Variants in MAP2K7 observed in about 807,000 individuals in gnomAD.
MAP2K7 encodes the protein dual specificity mitogen-activated protein kinase kinase 7.
A neutral mutation model predicts 47.7 loss-of-function variants in MAP2K7; 12 were observed. That is an observed-to-expected ratio of 0.25 (90% CI 0.16 to 0.41). The LOEUF (loss-of-function observed/expected upper bound fraction) is 0.41. Ranked by LOEUF, MAP2K7 falls within the 10% of genes least tolerant of loss-of-function variation. MAP2K7 has a pLI of 1.00. For missense variants in MAP2K7, 415 were observed against 600.3 expected, an observed-to-expected ratio of 0.69 and a Z score of 3.23; for synonymous variants, 299 against 243.0, an observed-to-expected ratio of 1.23 and a Z score of -2.14.
rs3679 is a variant in MAP2K7, at chr19:7,913,545, T to C, written c.*1114T>C. ...CCGGGCTGAGGGTGGGGGTGCGAGG[T>C]GGTCACTCCCATCGTGCCCCTGGCC... On this transcript the variant is annotated 3_prime_UTR_variant, in exon 11 of 11. Coordinates refer to ENST00000397979, the MANE Select transcript of MAP2K7 (RefSeq NM_145185.4). 92,920 of 150,018 alleles carry C rather than the reference T, an allele frequency of 0.62. 28,878 individuals carry two copies. The highest frequency in any genetic ancestry group is 0.66 in the Admixed American group (9,983 of 15,154). 9.3% of individuals were successfully genotyped at this position (150,018 alleles called of 1,614,324 possible).
rs118076444 is a variant in MAP2K7, at chr19:7,908,991, C to T, written c.125-764C>T. On this transcript the variant is annotated intron_variant, in intron 1 of 10. Transcript: ENST00000397979. ...CCCGCTGTAGCATGCCCGAGCTGCC[C>T]GCATGCAGGCTGCTGGATGAGCCAA... Among the ~76,000 whole-genome samples, 421 of 152,250 alleles carry T rather than the reference C, an allele frequency of 2.8e-3. 1 individual carries two copies. The highest frequency in any genetic ancestry group is 0.014 in the Middle Eastern group (4 of 294).
rs554916665 is a variant in MAP2K7, at chr19:7,906,281, C to T, written c.124+2213C>T. 328 of 197,130 alleles carry T rather than the reference C, an allele frequency of 1.7e-3. 1 individual carries two copies. The highest frequency in any genetic ancestry group is 6.2e-3 in the African/African-American group (271 of 43,618). The allele number at this position is 197,130 out of a possible 1,614,324, so 12.2% of individuals were successfully genotyped here. A position where few individuals can be genotyped will look rare whatever the true frequency, so the allele number is the denominator to read the frequency against. On this transcript the variant is annotated intron_variant, in intron 1 of 10. Transcript: ENST00000397979. ...CCCCGGGTTCCATACCAGCCCTGGG[C>T]GCCAGGGACACAGCAGTGAATAGAA... is the stretch of plus-strand genomic sequence containing the variant.
intron 1 of MAP2K7, among the ~76,000 whole-genome samples, chr19:7,909,118 T>C (rs1240636899): frequency 6.6e-6 from 1 of 152,196 alleles, no homozygotes; most frequent in African/African-American, 2.4e-5. Context: ...CCTGAGGTCC[T>C]GTCCTGCCCC....
Position 7,910,488 on chromosome 19 carries a change from G to A in MAP2K7, c.483G>A (p.Lys161=). 1 of 1,612,404 alleles carries A rather than the reference G, an allele frequency of 6.2e-7. No homozygotes were observed. Among genetic ancestry groups the A allele is most frequent in the Non-Finnish European group, 8.5e-7 (1 of 1,179,430 alleles). ...MRRSGNKEEN[K]RILMDLDVVL... ...GCTCCGGGAACAAGGAGGAGAACAA[G>A]CGCATCCTCATGGACCTGGATGTGG... The change falls in exon 5 of 11, where the codon AAG becomes AAA. Residue 161 remains lysine (K), a synonymous_variant. Transcript: ENST00000397979.
At chr19:7,907,971 C>G (rs971408158) in intron 1 of MAP2K7, among the ~76,000 whole-genome samples, 24 of 152,050 alleles carry the variant, frequency 1.6e-4, no homozygotes, top group African/African-American at 5.6e-4. Flanking sequence ...GAGGGAGAAG[C>G]CTGGCCAACA....
At chr19:7,905,704 C>T (rs1180456428) in intron 1 of MAP2K7, 24 of 1,010,812 alleles carry the variant, frequency 2.4e-5, no homozygotes, top group Non-Finnish European at 3.6e-5. Flanking sequence ...CGGTGCCTCC[C>T]CCTCCTCCTC....
At chr19:7,911,688 G>T in intron 9 of MAP2K7, 110 bp downstream of exon 9, 1 of 1,152,556 alleles carries the variant, frequency 8.7e-7, no homozygotes, top group Admixed American at 2.7e-5. Context: ...GGGCGGATGC[G>T]ACTGTGGGCG....
Position 7,903,933 on chromosome 19 carries a change from G to T in MAP2K7, c.-12G>T. On this transcript the variant is annotated 5_prime_UTR_variant, in exon 1 of 11. Coordinates refer to ENST00000397979, the MANE Select transcript of MAP2K7 (RefSeq NM_145185.4). ...GGCCGGGCGGTGCGCGGCGGCGGTG[G>T]CGGCGGGGAAGATGGCGGCGTCCTC... 6.6e-7 allele frequency: 1 copy of T among 1,515,280 alleles called. No individual in the cohort carries two copies. Among genetic ancestry groups the T allele is most frequent in the Non-Finnish European group, 8.8e-7 (1 of 1,131,482 alleles). The allele number at this position is 1,515,280 out of a possible 1,614,324, so 93.9% of individuals were successfully genotyped here. A position where few individuals can be genotyped will look rare whatever the true frequency, so the allele number is the denominator to read the frequency against.
rs778044336 is a variant in MAP2K7 at position 7,910,527 on chromosome 19, C to T, written c.522C>T (p.His174=). The T allele has an allele frequency of 3.2e-5, 51 of 1,613,512 alleles. No homozygotes were observed. In the East Asian group the frequency reaches 4.5e-4, roughly 14 times the overall value. ...ACCTGGATGTGGTGCTGAAGAGCCA[C>T]GACTGCCCCTACATCGTGCAGTGCT... ...LMDLDVVLKS[H]DCPYIVQCFG... The change falls in exon 5 of 11, where the codon CAC becomes CAT. Residue 174 remains histidine (H), a synonymous_variant. Transcript: ENST00000397979.
chr19:7,906,082 G>A, intron 1 of MAP2K7: 1 of 577,098 alleles, frequency 1.7e-6, no homozygotes, highest in Non-Finnish European at 3.1e-6. Flanking sequence ...CTCCACTTTG[G>A]ACTCCCTGGA....
chr19:7,909,121 C>A (rs548924223), intron 1 of MAP2K7, among the ~76,000 whole-genome samples: 1 of 152,232 alleles, frequency 6.6e-6, no homozygotes, highest in African/African-American at 2.4e-5. Context: ...GAGGTCCTGT[C>A]CTGCCCCCAT....
At chr19:7,909,693 T>A (rs542554748) in intron 1 of MAP2K7, 62 bp from the exon 2 acceptor site, 2 of 1,056,536 alleles carry the variant, frequency 1.9e-6, no homozygotes, top group Admixed American at 4.5e-5. Flanking sequence ...GAGTGCCAGA[T>A]GTGGAGCTGA....
In MAP2K7 at chr19:7,912,418, CCTT is replaced by C. The variant is rs757649509; in HGVS notation, c.1252_1254del (p.Phe418del). ...GGCGTCCTGAGCCAGCCCCACCTGC[CCTT>C]CTTCAGGTAGCTGCTTGGCGGCGGC... On this transcript the variant is annotated inframe_deletion, in exon 11 of 11. Coordinates refer to ENST00000397979, the MANE Select transcript of MAP2K7 (RefSeq NM_145185.4). The C allele has an allele frequency of 3.8e-5, 62 of 1,612,042 alleles. No individual in the cohort carries two copies. Among genetic ancestry groups the C allele is most frequent in the South Asian group, 9.9e-5 (9 of 91,066 alleles).
At chr19:7,904,587 A>AC (rs1982320704) in intron 1 of MAP2K7, 1 of 177,026 alleles carries the variant, frequency 5.6e-6, no homozygotes, top group Non-Finnish European at 1.3e-5. Context: ...ATCTCTTCTG[A>AC]CCCGAGGATT....
Position 7,912,739 on chromosome 19 carries a change from G to C in MAP2K7, c.*308G>C, listed in dbSNP as rs1043158898. ...CTCTGGGCCGGGGCGGCCCCCAGGG[G>C]CCAGGAGAGAGCCCTGGAGTCCCGC... On this transcript the variant is annotated 3_prime_UTR_variant, in exon 11 of 11. Transcript: ENST00000397979. The C allele has an allele frequency of 2.3e-6, 1 of 438,832 alleles. No individual in the cohort carries two copies. The highest frequency in any genetic ancestry group is 2.0e-5 in the African/African-American group (1 of 49,998). 27.2% of individuals were successfully genotyped at this position (438,832 alleles called of 1,614,324 possible).
At chr19:7,910,180 C>A in intron 3 of MAP2K7, 51 bp downstream of exon 3, 1 of 1,594,626 alleles carries the variant, frequency 6.3e-7, no homozygotes, top group East Asian at 2.3e-5. Context: ...CCAGGCTGGA[C>A]CCATCCTGGG....
chr19:7,909,948 C>T (rs996456591), intron 2 of MAP2K7, 52 bp downstream of exon 2: 64 of 1,500,174 alleles, frequency 4.3e-5, no homozygotes, highest in South Asian at 7.7e-5. Context: ...GAGGGGCCAC[C>T]GTGCCAGCCC....
chr19:7,904,016 C>T lies in MAP2K7; in HGVS notation c.72C>T (p.Ala24=), dbSNP rs1455834283. ...EAKLKQENRE[A]RRRIDLNLDI... The stretch of plus-strand genomic sequence containing the variant: ...AGCTGAAGCAGGAGAACCGGGAGGC[C>T]CGGCGGAGGATCGACCTCAACCTGG... Residue 24 remains alanine, a synonymous_variant, in exon 1 of 11, where the codon GCC becomes GCT. Transcript: ENST00000397979. The T allele has an allele frequency of 1.1e-5, 16 of 1,429,098 alleles. No individual in the cohort carries two copies. The highest frequency in any genetic ancestry group is 1.5e-5 in the Non-Finnish European group (16 of 1,071,506). 88.5% of individuals were successfully genotyped at this position (1,429,098 alleles called of 1,614,324 possible).
chr19:7,906,530 A>C (rs1438871610), intron 1 of MAP2K7: 1 of 152,288 alleles, frequency 6.6e-6, no homozygotes, highest in African/African-American at 2.4e-5. Flanking sequence ...TTGAGGCTAC[A>C]GGGAGCCATG....
Sources: gnomAD v4.1 joint callset for allele counts (sites outside exome capture counted in the v4.1 genomes callset) on GRCh38, gnomAD v4.1.1 for gene constraint, MANE v1.5 for transcripts, NCBI Gene and HGNC (gene_info 2026-07-23, HGNC 2026-07-21) for gene names.